Variants in DEK observed in about 807,000 individuals in gnomAD.
DEK encodes the protein protein DEK.
DEK carries 28 observed loss-of-function variants against 46.8 expected under a neutral mutation model. That is an observed-to-expected ratio of 0.60 (90% CI 0.44 to 0.82). DEK has a LOEUF of 0.82. Among genes scored for constraint, DEK ranks in the 40% least tolerant of loss-of-function variants. The pLI, the probability that DEK is intolerant of heterozygous loss-of-function variation, is 0.00. For missense variants in DEK, 416 were observed against 430.6 expected (o/e 0.97, Z 0.30); for synonymous variants, 160 against 144.5 (o/e 1.11, Z -0.77).
intron 6 of DEK, among the ~76,000 whole-genome samples, chr6:18,254,568 CAT>C (rs1319813637): frequency 6.6e-6 from 1 of 151,526 alleles, no homozygotes; most frequent in Non-Finnish European, 1.5e-5. Flanking sequence ...CAAAATAACT[CAT>C]ATTAAAAAAA....
At chr6:18,246,469 G>A (rs1791119344) in intron 7 of DEK, among the ~76,000 whole-genome samples, 1 of 152,168 alleles carries the variant, frequency 6.6e-6, no homozygotes, top group African/African-American at 2.4e-5. Context: ...TAGAGGTACA[G>A]GTACAGAAAA....
chr6:18,249,882 T>C (rs1467432294), intron 6 of DEK, 43 bp from the exon 7 acceptor site: 2 of 1,523,364 alleles, frequency 1.3e-6, no homozygotes, highest in Admixed American at 2.4e-5. Flanking sequence ...AGGTATAATA[T>C]TTCAATCAAT....
intron 2 of DEK, 26 bp downstream of exon 2, chr6:18,263,817 A>G (rs1791980425): frequency 6.2e-6 from 10 of 1,611,354 alleles, no homozygotes; most frequent in Non-Finnish European, 8.5e-6. Context: ...TGAAAAATTC[A>G]TCAGTTGGGA....
At chr6:18,238,888 ACT>A (rs1790781845) in intron 7 of DEK, among the ~76,000 whole-genome samples, 1 of 151,738 alleles carries the variant, frequency 6.6e-6, no homozygotes, top group African/African-American at 2.4e-5. Flanking sequence ...AATGTTTAAC[ACT>A]CTTGATTCCT....
chr6:18,247,969 GC>G (rs1791198754), intron 7 of DEK, among the ~76,000 whole-genome samples: 1 of 152,114 alleles, frequency 6.6e-6, no homozygotes, highest in African/African-American at 2.4e-5. Context: ...ACCATGCCCG[GC>G]CTGCCCTCAC....
chr6:18,246,675 C>T (rs745802592), intron 7 of DEK, among the ~76,000 whole-genome samples: 57 of 152,254 alleles, frequency 3.7e-4, no homozygotes, highest in Non-Finnish European at 7.1e-4. Flanking sequence ...AAAATAAATA[C>T]AATTTAACCT....
rs939703790 is a variant in DEK at position 18,257,725 on chromosome 6, A to G, written c.357+228T>C. On this transcript the variant is annotated intron_variant, in intron 4 of 10. Transcript: ENST00000652689. The stretch of plus-strand genomic sequence containing the variant: ...AGTGAGACCGTGTCTTAAAAGAAAG[A>G]AAAAAAAAAGAAAAAGAAAAAGAAA... Among the ~76,000 whole-genome samples the G allele has an allele frequency of 4.0e-5, 6 of 149,634 alleles. No homozygotes were observed. The Admixed American group carries it at 4.0e-4, about 10-fold the overall frequency.
chr6:18,244,369 A>G (rs1177209199), intron 7 of DEK: 2 of 351,188 alleles, frequency 5.7e-6, no homozygotes, highest in Non-Finnish European at 1.1e-5. Flanking sequence ...AAATTTTTAA[A>G]GGATCAGTAA....
chr6:18,240,821 G>A (rs1356861243), intron 7 of DEK, among the ~76,000 whole-genome samples: 1 of 151,946 alleles, frequency 6.6e-6, no homozygotes, highest in Non-Finnish European at 1.5e-5. Context: ...TTTAAAAGCA[G>A]GGCAGATACA....
chr6:18,264,064 C>G (rs901275865), intron 1 of DEK, 68 bp from the exon 2 acceptor site: 3 of 1,411,940 alleles, frequency 2.1e-6, no homozygotes, highest in African/African-American at 2.9e-5. Context: ...GGCGGCCACC[C>G]TGAATGATGC....
In DEK at chr6:18,229,804, T is replaced by G. The variant is rs376760328; in HGVS notation, c.1048-3562A>C. ...ATGGAACCAAGTTGGAAAACACTCTTCAGGATATTATCCAGGAGAACTTCC... is the reference window on the plus strand; with the variant it reads ...ATGGAACCAAGTTGGAAAACACTCTGCAGGATATTATCCAGGAGAACTTCC... On this transcript the variant is annotated intron_variant, in intron 9 of 10. Transcript: ENST00000652689. Among the ~76,000 whole-genome samples, 1,065 of 152,270 alleles carry G rather than the reference T, an allele frequency of 7.0e-3. 7 individuals carry two copies. The highest frequency in any genetic ancestry group is 0.02 in the Middle Eastern group (6 of 294).
chr6:18,248,868 T>G (rs150127645), intron 7 of DEK, among the ~76,000 whole-genome samples: 2 of 152,202 alleles, frequency 1.3e-5, no homozygotes, highest in African/African-American at 4.8e-5. Context: ...AAATGTCAAG[T>G]TGACATTATC....
intron 2 of DEK, among the ~76,000 whole-genome samples, chr6:18,260,072 G>C: frequency 6.6e-6 from 1 of 152,178 alleles, no homozygotes. Flanking sequence ...GTATCTGTGA[G>C]GGATTGGTTC....
chr6:18,237,989 CT>C (rs1790737689), intron 7 of DEK, among the ~76,000 whole-genome samples: 1 of 151,662 alleles, frequency 6.6e-6, no homozygotes, highest in Admixed American at 6.6e-5. Context: ...CTGTCTCTGC[CT>C]CCCTAGTAGC....
At chr6:18,242,943 A>C (rs536957980) in intron 7 of DEK, among the ~76,000 whole-genome samples, 3 of 152,262 alleles carry the variant, frequency 2.0e-5, no homozygotes, top group South Asian at 4.1e-4. Context: ...TTATGGCCAC[A>C]GTGCAGGATA....
intron 9 of DEK, among the ~76,000 whole-genome samples, chr6:18,231,583 A>G (rs750008234): frequency 2.5e-4 from 38 of 152,198 alleles, no homozygotes; most frequent in Non-Finnish European, 5.1e-4. Flanking sequence ...GAATACTACA[A>G]ACACCTCTAC....
At chr6:18,257,622 G>A (rs571245747) in intron 4 of DEK, among the ~76,000 whole-genome samples, 5 of 152,122 alleles carry the variant, frequency 3.3e-5, no homozygotes, top group East Asian at 1.9e-4. Context: ...AGGCTTAAGC[G>A]GGAGGAACAC....
chr6:18,225,197 G>A lies in DEK; in HGVS notation c.*522C>T, dbSNP rs1561968912. 1 of 226,576 alleles carries A rather than the reference G, an allele frequency of 4.4e-6. No individual in the cohort carries two copies. Among genetic ancestry groups the A allele is most frequent in the Non-Finnish European group, 8.8e-6 (1 of 113,944 alleles). The allele number at this position is 226,576 out of a possible 1,614,324, so 14.0% of individuals were successfully genotyped here. A position where few individuals can be genotyped will look rare whatever the true frequency, so the allele number is the denominator to read the frequency against. On this transcript the variant is annotated 3_prime_UTR_variant, in exon 11 of 11. Transcript: ENST00000652689. ...CAATTTGACATATATACACATGCAG[G>A]AGAAAAGTTCCAATTCAGTGATCTG...
At chr6:18,259,916 A>C (rs1296677846) in intron 2 of DEK, among the ~76,000 whole-genome samples, 1 of 152,216 alleles carries the variant, frequency 6.6e-6, no homozygotes, top group Non-Finnish European at 1.5e-5. Context: ...ACACACTAAA[A>C]CAACCCCTAC....
Sources: gnomAD v4.1 joint callset for allele counts (sites outside exome capture counted in the v4.1 genomes callset) on GRCh38, gnomAD v4.1.1 for gene constraint, MANE v1.5 for transcripts, NCBI Gene and HGNC (gene_info 2026-07-23, HGNC 2026-07-21) for gene names.